PAK5: variants seen among roughly 807,000 people sequenced by gnomAD.
PAK5 encodes the protein serine/threonine-protein kinase PAK 5.
A neutral mutation model predicts 65.9 loss-of-function variants in PAK5; 16 were observed. The observed-to-expected ratio is 0.24, with a 90% CI of 0.16 to 0.37. PAK5 has a LOEUF of 0.37. PAK5 is among the 10% of genes least tolerant of loss of function. The pLI, the probability that PAK5 is intolerant of heterozygous loss-of-function variation, is 1.00. For missense variants in PAK5, 785 were observed against 903.9 expected (o/e 0.87, Z 1.69); for synonymous variants, 371 against 354.9 (o/e 1.05, Z -0.51).
intron 7 of PAK5, among the ~76,000 whole-genome samples, chr20:9,550,957 A>G (rs2045418323): frequency 6.6e-6 from 1 of 152,088 alleles, no homozygotes; most frequent in African/African-American, 2.4e-5. Context: ...GCTGGCAGGA[A>G]AAATGCCCAA....
chr20:9,632,161 C>T (rs930909301), intron 3 of PAK5, among the ~76,000 whole-genome samples: 1 of 151,544 alleles, frequency 6.6e-6, no homozygotes, highest in Non-Finnish European at 1.5e-5. Flanking sequence ...AGAAGATGTC[C>T]CCTAGAATAT....
chr20:9,671,042 A>G (rs2047489607), intron 2 of PAK5, among the ~76,000 whole-genome samples: 2 of 152,260 alleles, frequency 1.3e-5, no homozygotes, highest in Admixed American at 1.3e-4. Flanking sequence ...TCCTTTCCCC[A>G]TTGCTTGTTT....
intron 2 of PAK5, among the ~76,000 whole-genome samples, chr20:9,674,478 T>A (rs6039543): frequency 0.051 from 7,757 of 152,232 alleles, 628 homozygotes; most frequent in African/African-American, 0.18. Context: ...CCTCTATAGA[T>A]CTTGCTGTGG....
At chr20:9,640,095 G>A (rs1251655331) in intron 3 of PAK5, among the ~76,000 whole-genome samples, 1 of 151,912 alleles carries the variant, frequency 6.6e-6, no homozygotes, top group Non-Finnish European at 1.5e-5. Flanking sequence ...TAGGGTACAT[G>A]TGCACAACAT....
intron 1 of PAK5, among the ~76,000 whole-genome samples, chr20:9,711,638 T>A (rs1280939994): frequency 6.6e-6 from 1 of 152,196 alleles, no homozygotes. Flanking sequence ...CTCCTCTTAG[T>A]ACCTTGGCTG....
chr20:9,651,051 C>T (rs1257260716), intron 2 of PAK5, among the ~76,000 whole-genome samples: 1 of 152,160 alleles, frequency 6.6e-6, no homozygotes, highest in African/African-American at 2.4e-5. Context: ...AATCTTATTG[C>T]CTCCTCAGGC....
chr20:9,663,621 A>G (rs2047375309), intron 2 of PAK5, among the ~76,000 whole-genome samples: 1 of 152,150 alleles, frequency 6.6e-6, no homozygotes, highest in South Asian at 2.1e-4. Flanking sequence ...TGAAATATGT[A>G]AACTCAGCAA....
At chr20:9,573,813 G>C (rs1028528021) in intron 4 of PAK5, among the ~76,000 whole-genome samples, 1 of 152,212 alleles carries the variant, frequency 6.6e-6, no homozygotes, top group African/African-American at 2.4e-5. Context: ...GGAATGTTCC[G>C]TGAAGGATGG....
chr20:9,546,051 G>T (rs2045339018), intron 7 of PAK5, among the ~76,000 whole-genome samples: 2 of 152,282 alleles, frequency 1.3e-5, no homozygotes, highest in South Asian at 4.1e-4. Flanking sequence ...AGTCCTTGGA[G>T]AATGAAGAAC....
intron 3 of PAK5, among the ~76,000 whole-genome samples, chr20:9,616,313 CAG>C (rs1328489180): frequency 6.6e-6 from 1 of 152,164 alleles, no homozygotes; most frequent in Non-Finnish European, 1.5e-5. Context: ...ACTGAAAGCA[CAG>C]AGAGTTTCAG....
chr20:9,561,483 T>A (rs985957997), intron 6 of PAK5, among the ~76,000 whole-genome samples: 5 of 152,210 alleles, frequency 3.3e-5, no homozygotes, highest in African/African-American at 1.2e-4. Context: ...TTGTTGGGCA[T>A]GTCTTATTGC....
chr20:9,816,686 A>G (rs1424972695), intron 1 of PAK5, among the ~76,000 whole-genome samples: 1 of 152,160 alleles, frequency 6.6e-6, no homozygotes, highest in Non-Finnish European at 1.5e-5. Context: ...TTTGAACCCC[A>G]CAACTGGCTT....
intron 1 of PAK5, among the ~76,000 whole-genome samples, chr20:9,762,907 T>C (rs2123652252): frequency 6.6e-6 from 1 of 152,244 alleles, no homozygotes; most frequent in South Asian, 2.1e-4. Context: ...CTGTGGTGTA[T>C]ATGCATAATG....
chr20:9,761,106 G>C (rs1478380247), intron 1 of PAK5, among the ~76,000 whole-genome samples: 1 of 152,122 alleles, frequency 6.6e-6, no homozygotes, highest in Non-Finnish European at 1.5e-5. Flanking sequence ...AATACCACAG[G>C]CTAACCTAAC....
At chr20:9,553,427 A>G (rs1020293111) in intron 7 of PAK5, among the ~76,000 whole-genome samples, 3 of 152,024 alleles carry the variant, frequency 2.0e-5, no homozygotes, top group African/African-American at 7.2e-5. Context: ...CCACCACCAA[A>G]ATCAAGATAC....
intron 2 of PAK5, among the ~76,000 whole-genome samples, chr20:9,698,759 T>A (rs1441007172): frequency 1.3e-5 from 2 of 152,188 alleles, no homozygotes; most frequent in East Asian, 3.9e-4. Flanking sequence ...TAGCTAAGCA[T>A]GATTTAAGAC....
chr20:9,776,905 A>T (rs1236659766), intron 1 of PAK5, among the ~76,000 whole-genome samples: 1 of 152,222 alleles, frequency 6.6e-6, no homozygotes, highest in Admixed American at 6.5e-5. Context: ...GCCAAGAAAC[A>T]TGGTGGTAAT....
chr20:9,773,394 C>T (rs960544337), intron 1 of PAK5, among the ~76,000 whole-genome samples: 2 of 152,048 alleles, frequency 1.3e-5, no homozygotes, highest in East Asian at 1.9e-4. Context: ...CCCCTTCCCC[C>T]GACCCCACGA....
chr20:9,813,231 T>C (rs2327230), intron 1 of PAK5, among the ~76,000 whole-genome samples: 101,398 of 151,916 alleles, frequency 0.67, 34,130 homozygotes, highest in East Asian at 0.77. Flanking sequence ...GTAGGAGATA[T>C]AGGAGCTACG....
Sources: gnomAD v4.1 joint callset for allele counts (sites outside exome capture counted in the v4.1 genomes callset) on GRCh38, gnomAD v4.1.1 for gene constraint, MANE v1.5 for transcripts, NCBI Gene and HGNC (gene_info 2026-07-23, HGNC 2026-07-21) for gene names.